PREX1: variants seen among roughly 807,000 people sequenced by gnomAD.
PREX1 encodes the protein phosphatidylinositol 3,4,5-trisphosphate-dependent Rac exchanger 1 protein.
PREX1 carries 41 observed loss-of-function variants against 198.3 expected under a neutral mutation model. The ratio of observed to expected loss-of-function variants is 0.21; its 90% confidence interval spans 0.16 to 0.27. The LOEUF is 0.27. Among genes scored for constraint, PREX1 ranks in the 10% least tolerant of loss-of-function variants. The pLI is 1.00. For missense variants in PREX1, 1,620 were observed against 2,200.7 expected (o/e 0.74, Z 5.28); for synonymous variants, 843 against 887.2 (o/e 0.95, Z 0.89).
chr20:48,838,319 A>C, the PREX1 span, among the ~76,000 whole-genome samples: 1 of 152,154 alleles, frequency 6.6e-6, no homozygotes, highest in Admixed American at 6.5e-5. Context: ...TGCATCAAAA[A>C]CCTTAAAAAT....
intron 18 of PREX1, chr20:48,656,520 A>C (rs528113058): frequency 1.1e-3 from 504 of 456,736 alleles, no homozygotes; most frequent in Non-Finnish European, 2.0e-3. Context: ...CCAATGCGCC[A>C]GACACGGTCC....
At chr20:48,805,214 G>C (rs2090406475) in intron 1 of PREX1, among the ~76,000 whole-genome samples, 1 of 152,224 alleles carries the variant, frequency 6.6e-6, no homozygotes, top group African/African-American at 2.4e-5. Flanking sequence ...GCTTGCTATG[G>C]ACAATGGAGT....
chr20:48,722,467 CAGTA>C (rs1289993259), intron 5 of PREX1, among the ~76,000 whole-genome samples: 5 of 152,068 alleles, frequency 3.3e-5, no homozygotes, highest in African/African-American at 1.2e-4. Flanking sequence ...GGAGGATGGA[CAGTA>C]AGTGTTTATA....
chr20:48,652,510 C>T lies in PREX1; in HGVS notation c.2467+76G>A, dbSNP rs904112145. The T allele has an allele frequency of 1.7e-5, 26 of 1,491,270 alleles. No homozygotes were observed. The African/African-American group carries it at 3.2e-4, about 19-fold the overall frequency. The allele number at this position is 1,491,270 out of a possible 1,614,324, so 92.4% of individuals were successfully genotyped here. A position where few individuals can be genotyped will look rare whatever the true frequency, so the allele number is the denominator to read the frequency against. On this transcript the variant is annotated intron_variant, in intron 21 of 39. Coordinates refer to ENST00000371941, the MANE Select transcript of PREX1 (RefSeq NM_020820.4). ...GCTGGGAGGAGGGGAGGGGAGGGGA[C>T]AACAGGAGAGGACCCAGCCCCTCCG...
intron 1 of PREX1, among the ~76,000 whole-genome samples, chr20:48,774,039 G>A (rs1451662349): frequency 6.6e-6 from 1 of 152,194 alleles, no homozygotes; most frequent in Non-Finnish European, 1.5e-5. Flanking sequence ...GGGAAGTCGA[G>A]GCCGTCTCCC....
At chr20:48,859,148 G>A in the PREX1 span, among the ~76,000 whole-genome samples, 4 of 152,066 alleles carry the variant, frequency 2.6e-5, no homozygotes, top group African/African-American at 9.7e-5. Context: ...CGATCCTCCT[G>A]CCTCAAACTC....
chr20:48,625,831 T>G lies in PREX1; in HGVS notation c.*54A>C. Reference sequence around the variant, plus strand: ...GAGAAGGCCAGCGCTGCCTGCTGTGTCCTCCCAAATCCCAGCTCCAGAGGC... The same window carrying G: ...GAGAAGGCCAGCGCTGCCTGCTGTGGCCTCCCAAATCCCAGCTCCAGAGGC... On this transcript the variant is annotated 3_prime_UTR_variant, in exon 40 of 40. Coordinates refer to ENST00000371941, the MANE Select transcript of PREX1 (RefSeq NM_020820.4). 6.6e-7 allele frequency: 1 copy of G among 1,507,436 alleles called. No homozygotes were observed. The highest frequency in any genetic ancestry group is 8.9e-7 in the Non-Finnish European group (1 of 1,118,186). The allele number at this position is 1,507,436 out of a possible 1,614,324, so 93.4% of individuals were successfully genotyped here.
chr20:48,849,138 A>C, the PREX1 span, among the ~76,000 whole-genome samples: 1 of 152,008 alleles, frequency 6.6e-6, no homozygotes, highest in East Asian at 1.9e-4. Flanking sequence ...AAAACCTTGG[A>C]AACCCGGAGA....
chr20:48,798,198 C>G (rs1172346172), intron 1 of PREX1, among the ~76,000 whole-genome samples: 1 of 152,302 alleles, frequency 6.6e-6, no homozygotes, highest in South Asian at 2.1e-4. Context: ...GGGTCAAGGT[C>G]TAGTTTCCCC....
At chr20:48,807,335 T>C (rs1476178452) in intron 1 of PREX1, among the ~76,000 whole-genome samples, 4 of 152,168 alleles carry the variant, frequency 2.6e-5, no homozygotes, top group Admixed American at 2.6e-4. Context: ...ATTGGGGTCC[T>C]GCTCTACATT....
At chr20:48,716,678 G>A (rs1332235492) in intron 5 of PREX1, among the ~76,000 whole-genome samples, 2 of 151,524 alleles carry the variant, frequency 1.3e-5, no homozygotes, top group African/African-American at 2.4e-5. Flanking sequence ...CTCCCAGTGT[G>A]GATCTGTGAC....
At chr20:48,677,981 G>A (rs763142795) in intron 13 of PREX1, among the ~76,000 whole-genome samples, 13 of 151,602 alleles carry the variant, frequency 8.6e-5, no homozygotes, top group South Asian at 2.1e-4. Flanking sequence ...CCGAGACTCC[G>A]TCTCAAAAAA....
intron 2 of PREX1, among the ~76,000 whole-genome samples, chr20:48,746,818 A>T (rs1219495820): frequency 1.3e-5 from 2 of 152,166 alleles, no homozygotes; most frequent in Admixed American, 6.5e-5. Context: ...ATAATAAATA[A>T]TTTGTAAACT....
chr20:48,657,280 G>A, intron 17 of PREX1, 92 bp from the exon 18 acceptor site: 1 of 1,457,636 alleles, frequency 6.9e-7, no homozygotes, highest in African/African-American at 1.4e-5. Flanking sequence ...CAGCAGAAGG[G>A]TGCTGGCCCA....
chr20:48,661,884 A>G (rs1601055930), intron 15 of PREX1, among the ~76,000 whole-genome samples: 2 of 152,080 alleles, frequency 1.3e-5, no homozygotes, highest in African/African-American at 4.8e-5. Flanking sequence ...TAGATGAGGC[A>G]GGGCTGAGTA....
chr20:48,838,362 A>G, the PREX1 span, among the ~76,000 whole-genome samples: 3 of 152,220 alleles, frequency 2.0e-5, no homozygotes, highest in African/African-American at 4.8e-5. Flanking sequence ...ACAGCCTTTA[A>G]CCAAGTTATT....
chr20:48,875,406 G>A, the PREX1 span, among the ~76,000 whole-genome samples: 3 of 152,224 alleles, frequency 2.0e-5, no homozygotes, highest in Admixed American at 6.5e-5. Flanking sequence ...GCAGCTGGCA[G>A]ACGCTGGGCT....
intron 19 of PREX1, among the ~76,000 whole-genome samples, chr20:48,653,745 T>C (rs562713164): frequency 6.6e-6 from 1 of 152,210 alleles, no homozygotes; most frequent in Admixed American, 6.5e-5. Context: ...GCAAACGGGA[T>C]CCGATTCAGG....
intron 1 of PREX1, among the ~76,000 whole-genome samples, chr20:48,764,548 C>T (rs531746035): frequency 6.5e-4 from 99 of 152,024 alleles, no homozygotes; most frequent in Non-Finnish European, 1.1e-3. Flanking sequence ...TTTGGGAGGC[C>T]GAGGTGGGTG....
Sources: allele counts gnomAD v4.1 joint callset (sites outside exome capture counted in the v4.1 genomes callset), GRCh38; gene constraint gnomAD v4.1.1; transcripts MANE v1.5; gene names NCBI Gene and HGNC (gene_info 2026-07-23, HGNC 2026-07-21).